TENM2: variants seen among roughly 807,000 people sequenced by gnomAD.
TENM2 encodes teneurin transmembrane protein 2.
Under a neutral mutation model 245.2 loss-of-function variants are expected in TENM2, and 52 were observed. The ratio of observed to expected loss-of-function variants is 0.21; its 90% CI spans 0.17 to 0.27. The LOEUF (loss-of-function observed/expected upper bound fraction) is 0.27, where lower values mean the gene tolerates loss of function less well. Among genes scored for constraint, TENM2 ranks in the 10% least tolerant of loss-of-function variants. The probability of loss-of-function intolerance (pLI) is 1.00; values close to 1 mark genes in which losing one functional copy is unlikely to be tolerated. For missense variants in TENM2, 3,046 were observed against 3,666.8 expected (o/e 0.83, Z 4.37); for synonymous variants, 1,363 against 1,438.9 (o/e 0.95, Z 1.19).
At chr5:167,844,390 A>G (rs1007017796) in intron 2 of TENM2, among the ~76,000 whole-genome samples, 1 of 152,380 alleles carries the variant, frequency 6.6e-6, no homozygotes, top group East Asian at 1.9e-4. Context: ...CAAATTGGCC[A>G]ACAGGGCCCA....
At chr5:167,318,508 A>T (rs1030943940) in intron 1 of TENM2, among the ~76,000 whole-genome samples, 1 of 152,020 alleles carries the variant, frequency 6.6e-6, no homozygotes, top group Admixed American at 6.6e-5. Context: ...TAACTATCTC[A>T]GTGATTAAAG....
the TENM2 span, among the ~76,000 whole-genome samples, chr5:167,225,521 A>T: frequency 4.6e-5 from 7 of 152,026 alleles, no homozygotes; most frequent in African/African-American, 9.7e-5. Context: ...ATTCCAATTG[A>T]TCATGATTAG....
chr5:167,113,071 G>A, the TENM2 span, among the ~76,000 whole-genome samples: 1 of 152,200 alleles, frequency 6.6e-6, no homozygotes, highest in East Asian at 1.9e-4. Context: ...TGACAAAAAT[G>A]CAGTTTCAGG....
intron 2 of TENM2, among the ~76,000 whole-genome samples, chr5:167,622,937 G>A (rs968950916): frequency 6.6e-6 from 1 of 152,104 alleles, no homozygotes; most frequent in African/African-American, 2.4e-5. Context: ...TCTTGCTGCT[G>A]CTTGACCTGT....
the TENM2 span, among the ~76,000 whole-genome samples, chr5:167,032,553 A>C: frequency 2.9e-4 from 44 of 152,192 alleles, no homozygotes; most frequent in Non-Finnish European, 3.8e-4. Flanking sequence ...CACAGCTATG[A>C]ATATTGTAAT....
chr5:167,504,560 T>G (rs1164307316), intron 2 of TENM2, among the ~76,000 whole-genome samples: 2 of 152,100 alleles, frequency 1.3e-5, no homozygotes, highest in African/African-American at 4.8e-5. Context: ...TAATGAAAAA[T>G]TACATGCATC....
chr5:167,030,439 C>T, the TENM2 span, among the ~76,000 whole-genome samples: 1 of 152,186 alleles, frequency 6.6e-6, no homozygotes, highest in Non-Finnish European at 1.5e-5. Context: ...CTTAGGTGGA[C>T]TGCCTGCTCC....
the TENM2 span, among the ~76,000 whole-genome samples, chr5:166,996,506 A>G: frequency 6.6e-6 from 1 of 152,238 alleles, no homozygotes; most frequent in Non-Finnish European, 1.5e-5. Context: ...AGTGTTAATT[A>G]GTGTGGCTCT....
intron 1 of TENM2, among the ~76,000 whole-genome samples, chr5:167,310,389 C>A (rs1196887774): frequency 6.6e-6 from 1 of 152,180 alleles, no homozygotes; most frequent in African/African-American, 2.4e-5. Flanking sequence ...GGAGCGTTTA[C>A]AAACATTTGT....
At position 168,097,965 on chromosome 5, in the gene TENM2, G is replaced by T. The variant is rs573621955; in HGVS notation, c.1712-61G>T. 30 of 1,314,120 alleles carry T rather than the reference G, an allele frequency of 2.3e-5. No homozygotes were observed. In the African/African-American group the frequency reaches 3.5e-4, roughly 15 times the overall value. The allele number at this position is 1,314,120 out of a possible 1,614,324, so 81.4% of individuals were successfully genotyped here. The stretch of plus-strand genomic sequence containing the variant: ...CTTTAAAAGTGGCAAGTTACTGACG[G>T]TTAAATTACTGCACCAGTAGACAGA... On this transcript the variant is annotated intron_variant, in intron 8 of 28. Coordinates refer to ENST00000518659, the Ensembl canonical transcript of TENM2.
intron 2 of TENM2, among the ~76,000 whole-genome samples, chr5:167,681,822 T>C (rs1408465786): frequency 6.6e-6 from 1 of 152,092 alleles, no homozygotes; most frequent in Non-Finnish European, 1.5e-5. Context: ...CATTTTTATC[T>C]CTTTCAATTT....
intron 1 of TENM2, among the ~76,000 whole-genome samples, chr5:167,308,398 G>C (rs775937361): frequency 2.0e-5 from 3 of 152,156 alleles, no homozygotes; most frequent in Non-Finnish European, 2.9e-5. Context: ...GACAAAATAC[G>C]TTGTAAAGAG....
chr5:167,430,700 T>G (rs1764163456), intron 2 of TENM2, among the ~76,000 whole-genome samples: 1 of 152,156 alleles, frequency 6.6e-6, no homozygotes, highest in Non-Finnish European at 1.5e-5. Context: ...AGGTTTGGGC[T>G]TTAGGGGTTT....
intron 23 of TENM2, among the ~76,000 whole-genome samples, chr5:168,222,992 T>C (rs954731377): frequency 1.3e-5 from 2 of 152,180 alleles, no homozygotes; most frequent in Non-Finnish European, 2.9e-5. Context: ...GCCAGTTCCA[T>C]TGGGTTGGCA....
intron 2 of TENM2, among the ~76,000 whole-genome samples, chr5:167,754,350 G>T (rs1762150026): frequency 6.6e-6 from 1 of 152,152 alleles, no homozygotes; most frequent in Non-Finnish European, 1.5e-5. Context: ...AAGGAGAACT[G>T]ACCCCATTTC....
At chr5:167,481,341 A>G (rs1561991377) in intron 2 of TENM2, among the ~76,000 whole-genome samples, 2 of 152,198 alleles carry the variant, frequency 1.3e-5, no homozygotes, top group Non-Finnish European at 2.9e-5. Flanking sequence ...TTTTAGAAAA[A>G]TGTTGTTTTT....
At chr5:167,657,616 A>G (rs544951281) in intron 2 of TENM2, among the ~76,000 whole-genome samples, 4 of 152,336 alleles carry the variant, frequency 2.6e-5, no homozygotes, top group African/African-American at 9.6e-5. Context: ...CATTTAGAGC[A>G]GAGGTGGGCC....
chr5:167,549,329 C>T (rs1428618833), intron 2 of TENM2, among the ~76,000 whole-genome samples: 1 of 151,788 alleles, frequency 6.6e-6, no homozygotes, highest in African/African-American at 2.4e-5. Context: ...ATATCTGTGT[C>T]CTAAAAATAA....
At chr5:167,981,015 G>A (rs1048940699) in intron 4 of TENM2, among the ~76,000 whole-genome samples, 5 of 152,190 alleles carry the variant, frequency 3.3e-5, no homozygotes, top group Non-Finnish European at 7.3e-5. Context: ...TTGGCCTTCA[G>A]CAGAAGAGAT....
Sources: gnomAD v4.1 joint callset for allele counts (sites outside exome capture counted in the v4.1 genomes callset) on GRCh38, gnomAD v4.1.1 for gene constraint, MANE v1.5 for transcripts, NCBI Gene and HGNC (gene_info 2026-07-23, HGNC 2026-07-21) for gene names.